Variants in PPP4R2 observed in about 807,000 individuals in gnomAD.
PPP4R2 encodes the protein protein phosphatase 4 regulatory subunit 2.
In PPP4R2, 13 loss-of-function variants were observed where a neutral mutation model predicts 47.2. The observed-to-expected ratio is 0.28, with a 90% confidence interval of 0.18 to 0.44. The LOEUF (loss-of-function observed/expected upper bound fraction) is 0.44. PPP4R2 is among the 20% of genes least tolerant of loss of function. The probability of loss-of-function intolerance (pLI) is 1.00; values close to 1 mark genes in which losing one functional copy is unlikely to be tolerated. For synonymous variants in PPP4R2, 151 were observed against 163.3 expected (o/e 0.92, Z 0.57); for missense variants, 421 against 491.2 (o/e 0.86, Z 1.35).
At chr3:73,025,181 A>ATT (rs1559554397) in intron 2 of PPP4R2, among the ~76,000 whole-genome samples, 1 of 152,216 alleles carries the variant, frequency 6.6e-6, no homozygotes, top group Non-Finnish European at 1.5e-5. Context: ...GAGCTGACTC[A>ATT]TTAGTATGTG....
chr3:73,001,963 A>G (rs1053895315), intron 2 of PPP4R2, among the ~76,000 whole-genome samples: 2 of 152,122 alleles, frequency 1.3e-5, no homozygotes, highest in Non-Finnish European at 1.5e-5. Flanking sequence ...TTTGGTGGTA[A>G]TAAATACATG....
chr3:73,005,052 C>T (rs1246703981), intron 2 of PPP4R2, among the ~76,000 whole-genome samples: 7 of 151,638 alleles, frequency 4.6e-5, no homozygotes, highest in African/African-American at 7.3e-5. Flanking sequence ...CTCCGCTAAC[C>T]GCAATCTCCG....
rs3215026 is a variant in PPP4R2 at position 73,060,799 on chromosome 3, G to GA, written c.382-214dup. 1.8e-3 allele frequency among the ~76,000 whole-genome samples: 275 copies of GA among 149,486 alleles called. No individual in the cohort carries two copies. The Middle Eastern group carries it at 0.021, about 11-fold the overall frequency. On this transcript the variant is annotated intron_variant, in intron 4 of 8. Coordinates refer to ENST00000356692, the MANE Select transcript of PPP4R2 (RefSeq NM_174907.4). ...AGATTAGGGTAAAAAATAAGTATAGGAAAAAAAAAATTAGTGGCTGAGTAG... is the reference window on the plus strand; with the variant it reads ...AGATTAGGGTAAAAAATAAGTATAGGAAAAAAAAAAATTAGTGGCTGAGTAG...
rs762256558 is a variant in PPP4R2 at position 73,065,723 on chromosome 3, C to G, written c.*1C>G. ...CGATGAACCAATGGAACAAGACTAACTATTTAGAAACATTTAGATGCAGTA... is the reference window on the plus strand; with the variant it reads ...CGATGAACCAATGGAACAAGACTAAGTATTTAGAAACATTTAGATGCAGTA... On this transcript the variant is annotated 3_prime_UTR_variant, in exon 9 of 9. Coordinates refer to ENST00000356692, the MANE Select transcript of PPP4R2 (RefSeq NM_174907.4). The G allele has an allele frequency of 6.3e-7, 1 of 1,583,484 alleles. No homozygotes were observed. Among genetic ancestry groups the G allele is most frequent in the Non-Finnish European group, 8.6e-7 (1 of 1,160,454 alleles).
At chr3:73,053,681 A>C (rs1702666819) in intron 3 of PPP4R2, among the ~76,000 whole-genome samples, 1 of 152,034 alleles carries the variant, frequency 6.6e-6, no homozygotes, top group Non-Finnish European at 1.5e-5. Flanking sequence ...AGGCCCAGGC[A>C]GGCGGATCAT....
intron 2 of PPP4R2, among the ~76,000 whole-genome samples, chr3:73,043,159 C>T (rs1702413180): frequency 6.6e-6 from 1 of 152,018 alleles, no homozygotes; most frequent in African/African-American, 2.4e-5. Flanking sequence ...GTATAAGCGT[C>T]CTATTTCAGT....
chr3:73,016,757 T>TA (rs1475044194), intron 2 of PPP4R2, among the ~76,000 whole-genome samples: 2 of 130,366 alleles, frequency 1.5e-5, no homozygotes, highest in Admixed American at 7.6e-5. Context: ...TTTTTTTTAA[T>TA]ACAGAGTCTC....
chr3:73,036,036 C>T (rs1296077323), intron 2 of PPP4R2, among the ~76,000 whole-genome samples: 1 of 152,154 alleles, frequency 6.6e-6, no homozygotes, highest in Non-Finnish European at 1.5e-5. Context: ...CGCACACACA[C>T]AGTGAAATAC....
At chr3:73,047,382 A>C in intron 3 of PPP4R2, 26 bp downstream of exon 3, 1 of 1,455,350 alleles carries the variant, frequency 6.9e-7, no homozygotes, top group South Asian at 1.3e-5. Context: ...TGTTTTAAAG[A>C]TTTAATTTTT....
chr3:73,007,079 G>C (rs1157051511), intron 2 of PPP4R2, among the ~76,000 whole-genome samples: 3 of 152,166 alleles, frequency 2.0e-5, no homozygotes, highest in African/African-American at 7.2e-5. Context: ...CACTTTCTTA[G>C]AATTCTGCTT....
rs1455405744 is a variant in PPP4R2 at position 73,066,235 on chromosome 3, C to CATATATATAT, written c.*516_*517insTATATATATA. The CATATATATAT allele has an allele frequency of 2.5e-5, 2 of 80,004 alleles. No homozygotes were observed. The highest frequency in any genetic ancestry group is 5.1e-5 in the African/African-American group (1 of 19,750). The allele number at this position is 80,004 out of a possible 1,614,324, so 5.0% of individuals were successfully genotyped here. A position where few individuals can be genotyped will look rare whatever the true frequency, so the allele number is the denominator to read the frequency against. Reference sequence around the variant, plus strand: ...ACAATGGAACTTTAAGTCATATATACATACATATATATATATATATATATA... The same window carrying CATATATATAT: ...ACAATGGAACTTTAAGTCATATATACATATATATATATACATATATATATATATATATATA... On this transcript the variant is annotated 3_prime_UTR_variant, in exon 9 of 9. Transcript: ENST00000356692.
At chr3:73,035,251 C>T (rs1168079566) in intron 2 of PPP4R2, among the ~76,000 whole-genome samples, 1 of 152,026 alleles carries the variant, frequency 6.6e-6, no homozygotes, top group Non-Finnish European at 1.5e-5. Flanking sequence ...ATCAAAAAGA[C>T]AAGCCAGGCA....
chr3:73,018,441 A>ATGTT lies in PPP4R2; in HGVS notation c.116+20284_116+20287dup, dbSNP rs1205188386. On this transcript the variant is annotated intron_variant, in intron 2 of 8. Coordinates refer to ENST00000356692, the MANE Select transcript of PPP4R2 (RefSeq NM_174907.4). ...ATGTTATGTTATGTTATGTTATGTT[A>ATGTT]TGTTATGTTATTTATGTTATGTTAG... Among the ~76,000 whole-genome samples the ATGTT allele has an allele frequency of 1.6e-3, 171 of 103,862 alleles. 1 individual carries two copies. The highest frequency in any genetic ancestry group is 4.7e-3 in the African/African-American group (110 of 23,580). The allele number at this position is 103,862 out of a possible 152,430, so 68.1% of individuals were successfully genotyped here.
At chr3:73,061,529 A>C (rs1702857830) in intron 5 of PPP4R2, 1 of 155,334 alleles carries the variant, frequency 6.4e-6, no homozygotes, top group Non-Finnish European at 1.4e-5. Context: ...GTACCAGATA[A>C]TTCTGTTGTG....
chr3:73,029,154 T>C (rs919865660), intron 2 of PPP4R2, among the ~76,000 whole-genome samples: 4 of 152,158 alleles, frequency 2.6e-5, no homozygotes, highest in African/African-American at 7.2e-5. Context: ...TTGCCCAGGC[T>C]GGTTTTGAAC....
intron 3 of PPP4R2, among the ~76,000 whole-genome samples, chr3:73,058,836 G>C (rs1702784777): frequency 6.9e-6 from 1 of 145,324 alleles, no homozygotes; most frequent in East Asian, 2.0e-4. Context: ...AGGGAGAATG[G>C]TTTTTTTGTT....
intron 2 of PPP4R2, among the ~76,000 whole-genome samples, chr3:73,035,105 A>G (rs1217102281): frequency 6.6e-6 from 1 of 152,254 alleles, no homozygotes; most frequent in Non-Finnish European, 1.5e-5. Context: ...AAATTATCCA[A>G]TTAAAATGGG....
chr3:73,050,669 G>T lies in PPP4R2; in HGVS notation c.287+3313G>T, dbSNP rs1004764888. Among the ~76,000 whole-genome samples the T allele has an allele frequency of 3.3e-5, 5 of 151,954 alleles. No individual in the cohort carries two copies. In the South Asian group the frequency reaches 1.0e-3, roughly 32 times the overall value. ...AAGTAGAATCATGCTATATGCTAGT[G>T]GTATTTTCCTTTTAGAGAAGCTTCA... On this transcript the variant is annotated intron_variant, in intron 3 of 8. Transcript: ENST00000356692.
chr3:73,026,748 G>A (rs983247589), intron 2 of PPP4R2, among the ~76,000 whole-genome samples: 1 of 152,086 alleles, frequency 6.6e-6, no homozygotes, highest in African/African-American at 2.4e-5. Context: ...GTTAGTGTTA[G>A]TGTATTTTAT....
Sources: allele counts gnomAD v4.1 joint callset (sites outside exome capture counted in the v4.1 genomes callset), GRCh38; gene constraint gnomAD v4.1.1; transcripts MANE v1.5; gene names NCBI Gene and HGNC (gene_info 2026-07-23, HGNC 2026-07-21).